Variants in ERCC6L2 observed in about 807,000 individuals in gnomAD.
ERCC6L2 encodes the protein ERCC excision repair 6 like 2.
ERCC6L2 carries 77 observed loss-of-function variants against 132.0 expected under a neutral mutation model. The observed-to-expected ratio is 0.58, with a 90% CI of 0.49 to 0.71. The LOEUF is 0.71. Ranked by LOEUF, ERCC6L2 falls within the 30% of genes least tolerant of loss-of-function variation. ERCC6L2 has a pLI of 0.00. For synonymous variants in ERCC6L2, 583 were observed against 632.4 expected (o/e 0.92, Z 1.17); for missense variants, 1,542 against 1,837.6 (o/e 0.84, Z 2.94).
intron 19 of ERCC6L2, among the ~76,000 whole-genome samples, chr9:96,026,232 C>CG (rs1564310958): frequency 6.6e-6 from 1 of 152,190 alleles, no homozygotes; most frequent in Admixed American, 6.5e-5. Flanking sequence ...GTTGGGAGTC[C>CG]GGGGGGTTAT....
intron 7 of ERCC6L2, among the ~76,000 whole-genome samples, chr9:95,921,809 T>C (rs1829881056): frequency 6.6e-6 from 1 of 152,224 alleles, no homozygotes; most frequent in African/African-American, 2.4e-5. Flanking sequence ...TTCACCTCTG[T>C]TTTATTAAAT....
intron 9 of ERCC6L2, among the ~76,000 whole-genome samples, chr9:95,925,984 AG>A (rs1366231168): frequency 1.3e-5 from 2 of 152,198 alleles, no homozygotes; most frequent in Non-Finnish European, 2.9e-5. Flanking sequence ...GCATGTGAAA[AG>A]ATGCTCAACA....
chr9:95,966,560 A>G lies in ERCC6L2; in HGVS notation c.1948-2A>G. On this transcript the variant is annotated splice_acceptor_variant, in intron 13 of 18. Coordinates refer to ENST00000653738, the MANE Select transcript of ERCC6L2 (RefSeq NM_020207.7). LOFTEE classifies it high-confidence loss of function. ...AAATGTCTTGTGTTTTTTCTGTTTT[A>G]GCAACTTCACTGTGTGGTGGTTGGA... 1 of 1,461,770 alleles carries G rather than the reference A, an allele frequency of 6.8e-7. No homozygotes were observed. 90.5% of individuals were successfully genotyped at this position (1,461,770 alleles called of 1,614,324 possible).
At chr9:95,998,570 C>T (rs1833549264) in intron 17 of ERCC6L2, among the ~76,000 whole-genome samples, 1 of 152,126 alleles carries the variant, frequency 6.6e-6, no homozygotes, top group Admixed American at 6.5e-5. Flanking sequence ...GGTGATGTGA[C>T]TGTGCAGAAC....
intron 3 of ERCC6L2, among the ~76,000 whole-genome samples, chr9:95,905,762 A>G (rs1829002809): frequency 1.3e-5 from 2 of 151,212 alleles, no homozygotes. Flanking sequence ...TTTCCAAAAC[A>G]CAGTCACAAA....
At position 95,880,870 on chromosome 9, in the gene ERCC6L2, C is replaced by T. The variant is rs1827550473; in HGVS notation, c.48C>T (p.Asp16=). 6.2e-7 allele frequency: 1 copy of T among 1,603,260 alleles called. No homozygotes were observed. The highest frequency in any genetic ancestry group is 8.5e-7 in the Non-Finnish European group (1 of 1,175,412). Residue 16 remains aspartate (D), a splice_region_variant and synonymous_variant, in exon 2 of 19, where the codon GAC becomes GAT. Coordinates refer to ENST00000653738, the MANE Select transcript of ERCC6L2 (RefSeq NM_020207.7). The stretch of plus-strand genomic sequence containing the variant: ...ACTTTATTTTCTTTATTCTTGCAGA[C>T]ATATGGCATCCAGGAGAAAGATGTC... ...PQPRAETSGK[D]IWHPGERCLA...
At chr9:95,951,547 A>C (rs1314851156) in intron 12 of ERCC6L2, among the ~76,000 whole-genome samples, 1 of 152,188 alleles carries the variant, frequency 6.6e-6, no homozygotes, top group Non-Finnish European at 1.5e-5. Flanking sequence ...AAAATGGTGG[A>C]TAAATCTTTA....
intron 2 of ERCC6L2, among the ~76,000 whole-genome samples, chr9:95,891,335 G>A (rs542759962): frequency 2.6e-4 from 40 of 152,112 alleles, no homozygotes; most frequent in African/African-American, 7.7e-4. Flanking sequence ...ATACACAAAC[G>A]CATTCTTATA....
chr9:95,956,311 G>A (rs558461424), intron 13 of ERCC6L2, among the ~76,000 whole-genome samples: 10 of 152,188 alleles, frequency 6.6e-5, no homozygotes, highest in Middle Eastern at 3.4e-3. Flanking sequence ...CCCATGATGT[G>A]GAATTTTTAA....
intron 12 of ERCC6L2, chr9:95,954,651 T>G: frequency 2.5e-6 from 1 of 392,350 alleles, no homozygotes; most frequent in Non-Finnish European, 5.2e-6. Context: ...TAATGGAATC[T>G]CTCCCATTCA....
intron 17 of ERCC6L2, among the ~76,000 whole-genome samples, chr9:95,999,321 G>T (rs569604077): frequency 6.6e-6 from 1 of 151,704 alleles, no homozygotes; most frequent in African/African-American, 2.4e-5. Context: ...AGATCACGCC[G>T]CTGCACTCCA....
intron 12 of ERCC6L2, chr9:95,954,792 A>G: frequency 2.1e-6 from 1 of 471,130 alleles, no homozygotes; most frequent in Non-Finnish European, 4.4e-6. Context: ...TGGGTTGCAG[A>G]ATGGAAGTGA....
At chr9:95,942,852 A>G (rs902346391) in intron 12 of ERCC6L2, among the ~76,000 whole-genome samples, 3 of 152,162 alleles carry the variant, frequency 2.0e-5, no homozygotes, top group Admixed American at 2.0e-4. Context: ...TCTAAGTTTC[A>G]AAGATAAAGA....
intron 19 of ERCC6L2, among the ~76,000 whole-genome samples, chr9:96,036,763 A>ATTTTTTT (rs201535314): frequency 7.3e-6 from 1 of 137,666 alleles, no homozygotes; most frequent in East Asian, 2.2e-4. Flanking sequence ...TATTATTATT[A>ATTTTTTT]TTTTTATTTA....
intron 2 of ERCC6L2, among the ~76,000 whole-genome samples, chr9:95,895,437 T>C (rs1828401729): frequency 6.6e-6 from 1 of 152,198 alleles, no homozygotes; most frequent in Non-Finnish European, 1.5e-5. Flanking sequence ...TATTTGGATT[T>C]AAACTTAGTA....
At chr9:95,958,225 A>G (rs553492497) in intron 13 of ERCC6L2, among the ~76,000 whole-genome samples, 1 of 152,182 alleles carries the variant, frequency 6.6e-6, no homozygotes, top group South Asian at 2.1e-4. Context: ...ATGGCTGCAT[A>G]GTATTCCATG....
chr9:95,959,403 G>A lies in ERCC6L2; in HGVS notation c.1947+3390G>A, dbSNP rs1205261144. On this transcript the variant is annotated intron_variant, in intron 13 of 18. Coordinates refer to ENST00000653738, the MANE Select transcript of ERCC6L2 (RefSeq NM_020207.7). ...TTCAAGATGGATTAAAGACTTAAACGTTAGACCTAAAACCATAAAAACCCT... is the reference window on the plus strand; with the variant it reads ...TTCAAGATGGATTAAAGACTTAAACATTAGACCTAAAACCATAAAAACCCT... Among the ~76,000 whole-genome samples, 4 of 151,632 alleles carry A rather than the reference G, an allele frequency of 2.6e-5. No individual in the cohort carries two copies. The East Asian group carries it at 7.7e-4, about 29-fold the overall frequency.
chr9:95,981,130 A>G (rs956762108), intron 17 of ERCC6L2, among the ~76,000 whole-genome samples: 1 of 152,212 alleles, frequency 6.6e-6, no homozygotes, highest in African/African-American at 2.4e-5. Flanking sequence ...TTTCTAAAGA[A>G]TACCATAGAG....
At chr9:95,942,097 A>G (rs538483254) in intron 12 of ERCC6L2, among the ~76,000 whole-genome samples, 12 of 152,302 alleles carry the variant, frequency 7.9e-5, no homozygotes, top group African/African-American at 2.9e-4. Flanking sequence ...AGCTGAAAGA[A>G]TAATTTTACA....
Sources: gnomAD v4.1 joint callset for allele counts (sites outside exome capture counted in the v4.1 genomes callset) on GRCh38, gnomAD v4.1.1 for gene constraint, MANE v1.5 for transcripts, NCBI Gene and HGNC (gene_info 2026-07-23, HGNC 2026-07-21) for gene names.